Variants in ADAMTS14 observed in about 807,000 individuals in gnomAD.
The protein encoded by ADAMTS14 is A disintegrin and metalloproteinase with thrombospondin motifs 14.
In ADAMTS14, 100 loss-of-function variants were observed where a neutral mutation model predicts 128.6. The observed-to-expected ratio is 0.78, with a 90% CI of 0.66 to 0.92. The LOEUF (loss-of-function observed/expected upper bound fraction) is 0.92. ADAMTS14 is among the 40% of genes least tolerant of loss of function. The pLI, the probability that ADAMTS14 is intolerant of heterozygous loss-of-function variation, is 0.00. For missense variants in ADAMTS14, 1,562 were observed against 1,658.6 expected (o/e 0.94, Z 1.01); for synonymous variants, 665 against 653.8 (o/e 1.02, Z -0.26).
intron 9 of ADAMTS14, 116 bp from the exon 10 acceptor site, chr10:70,736,563 TC>T: frequency 1.1e-6 from 1 of 881,554 alleles, no homozygotes; most frequent in Non-Finnish European, 1.7e-6. Flanking sequence ...CTGGCTGCCT[TC>T]CCTGCAGTGC....
chr10:70,749,256 C>G (rs1589336107), intron 15 of ADAMTS14, among the ~76,000 whole-genome samples: 1 of 152,206 alleles, frequency 6.6e-6, no homozygotes, highest in Non-Finnish European at 1.5e-5. Context: ...CTGAGAGCCT[C>G]AGTCGTGGGG....
At chr10:70,692,402 G>A (rs1431641881) in intron 2 of ADAMTS14, among the ~76,000 whole-genome samples, 2 of 152,216 alleles carry the variant, frequency 1.3e-5, no homozygotes, top group African/African-American at 2.4e-5. Context: ...GAGAGGGCTG[G>A]TGCCGCACAG....
At chr10:70,706,160 C>G (rs908143517) in intron 3 of ADAMTS14, among the ~76,000 whole-genome samples, 3 of 152,172 alleles carry the variant, frequency 2.0e-5, no homozygotes, top group Non-Finnish European at 4.4e-5. Flanking sequence ...GGAGCCCCCC[C>G]ACAGCATCCA....
At chr10:70,696,162 A>T (rs748791394) in intron 2 of ADAMTS14, among the ~76,000 whole-genome samples, 3 of 152,154 alleles carry the variant, frequency 2.0e-5, no homozygotes, top group Non-Finnish European at 4.4e-5. Flanking sequence ...ATGGTCTTGT[A>T]GAAAGGAGAG....
rs746940189 is a variant in ADAMTS14, at chr10:70,709,495, G to GTTTTTTTTTT, written c.870+731_870+740dup. 2.7e-4 allele frequency among the ~76,000 whole-genome samples: 28 copies of GTTTTTTTTTT among 101,834 alleles called. 1 individual carries two copies. Among genetic ancestry groups the GTTTTTTTTTT allele is most frequent in the Non-Finnish European group, 3.4e-4 (19 of 56,498 alleles). The allele number at this position is 101,834 out of a possible 152,430, so 66.8% of individuals were successfully genotyped here. ...CCAGATATTTAAGTGAACATTTCCA[G>GTTTTTTTTTT]TTTTTTTTTTTTTTTTTTTTTTTGA... On this transcript the variant is annotated intron_variant, in intron 4 of 21. Transcript: ENST00000373207.
Position 70,761,157 on chromosome 10 carries a change from A to C in ADAMTS14, c.*304A>C. The C allele has an allele frequency of 3.2e-6, 1 of 311,662 alleles. No homozygotes were observed. Among genetic ancestry groups the C allele is most frequent in the South Asian group, 9.4e-5 (1 of 10,628 alleles). 19.3% of individuals were successfully genotyped at this position (311,662 alleles called of 1,614,324 possible). ...GTCAACTATTGCTCCCTCCTCACAG[A>C]CCCTGGGCCTGGGCAGGTCTGAATC... On this transcript the variant is annotated 3_prime_UTR_variant, in exon 22 of 22. Transcript: ENST00000373207.
intron 2 of ADAMTS14, among the ~76,000 whole-genome samples, chr10:70,678,297 T>TGCTTTGCAGAGA (rs1234361921): frequency 6.6e-6 from 1 of 152,224 alleles, no homozygotes; most frequent in Non-Finnish European, 1.5e-5. Flanking sequence ...GTCAGGTCCC[T>TGCTTTGCAGAGA]GTCCTCGAGG....
At chr10:70,750,442 A>AC (rs1164589337) in intron 16 of ADAMTS14, among the ~76,000 whole-genome samples, 1 of 151,902 alleles carries the variant, frequency 6.6e-6, no homozygotes, top group Non-Finnish European at 1.5e-5. Context: ...CTCTGCCCAT[A>AC]CCCCCCTTCC....
intron 12 of ADAMTS14, among the ~76,000 whole-genome samples, chr10:70,742,005 G>T (rs1198904611): frequency 2.6e-5 from 4 of 152,190 alleles, no homozygotes; most frequent in Admixed American, 2.6e-4. Flanking sequence ...ATCAGGACGG[G>T]CTTTCCTCCC....
chr10:70,693,609 G>T (rs1019793526), intron 2 of ADAMTS14, among the ~76,000 whole-genome samples: 2 of 152,350 alleles, frequency 1.3e-5, no homozygotes, highest in East Asian at 3.9e-4. Context: ...AAGATTACAT[G>T]ATCTGAGAGT....
At chr10:70,689,693 G>A (rs1054794865) in intron 2 of ADAMTS14, among the ~76,000 whole-genome samples, 1 of 145,762 alleles carries the variant, frequency 6.9e-6, no homozygotes, top group African/African-American at 2.4e-5. Context: ...CCTTGCCCCT[G>A]CAGTGTATTC....
At chr10:70,679,225 C>A (rs1839731644) in intron 2 of ADAMTS14, among the ~76,000 whole-genome samples, 1 of 152,160 alleles carries the variant, frequency 6.6e-6, no homozygotes, top group South Asian at 2.1e-4. Context: ...TGCCAGGCCC[C>A]TGACCAGCAG....
At position 70,732,297 on chromosome 10, in the gene ADAMTS14, T is replaced by C. The variant is rs774415321; in HGVS notation, c.1146T>C (p.Cys382=). 4 of 1,614,226 alleles carry C rather than the reference T, an allele frequency of 2.5e-6. No homozygotes were observed. Among genetic ancestry groups the C allele is most frequent in the African/African-American group, 1.3e-5 (1 of 75,062 alleles). ...GCATGTGTCACCCCCTGAGGAGCTG[T>C]GCCCTCAACCATGAGGATGGCTTCT... is the stretch of plus-strand genomic sequence containing the variant. ...VTGMCHPLRS[C]ALNHEDGFSS... Residue 382 remains cysteine (C), a synonymous_variant, in exon 7 of 22, where the codon TGT becomes TGC. Transcript: ENST00000373207.
intron 2 of ADAMTS14, among the ~76,000 whole-genome samples, chr10:70,694,738 A>G (rs77101070): frequency 0.071 from 10,754 of 152,174 alleles, 500 homozygotes; most frequent in East Asian, 0.17. Flanking sequence ...GCAAAATAAT[A>G]TTTCATTGTA....
Position 70,725,809 on chromosome 10 carries a change from G to A in ADAMTS14, c.871-3485G>A, listed in dbSNP as rs187256244. Among the ~76,000 whole-genome samples, 3 of 152,240 alleles carry A rather than the reference G, an allele frequency of 2.0e-5. No homozygotes were observed. The East Asian group carries it at 5.8e-4, about 29-fold the overall frequency. ...CTTGGGGTTCTCTTGGTGGCCCCACGTGGCTCATGCCTTCCTCTCCCCTGC... is the reference window on the plus strand; with the variant it reads ...CTTGGGGTTCTCTTGGTGGCCCCACATGGCTCATGCCTTCCTCTCCCCTGC... On this transcript the variant is annotated intron_variant, in intron 4 of 21. Transcript: ENST00000373207.
intron 16 of ADAMTS14, 94 bp from the exon 17 acceptor site, chr10:70,751,384 G>A (rs533888716): frequency 3.4e-5 from 44 of 1,276,916 alleles, no homozygotes; most frequent in East Asian, 1.9e-4. Flanking sequence ...GTTCTGCTCC[G>A]ACCCTAAGGC....
Position 70,741,029 on chromosome 10 carries a change from G to A in ADAMTS14, c.1791G>A (p.Glu597=), listed in dbSNP as rs1293621696. 1.9e-6 allele frequency: 3 copies of A among 1,614,166 alleles called. No homozygotes were observed. The highest frequency in any genetic ancestry group is 2.5e-6 in the Non-Finnish European group (3 of 1,180,038). ...GGRLCLGPMF[E]YQVCNSEECP... is the part of the protein sequence containing the mutation. Reference sequence around the variant, plus strand: ...GCCTGTGCTTAGGGCCCATGTTCGAGTACCAGGTCTGCAACAGCGAGGAGT... The same window carrying A: ...GCCTGTGCTTAGGGCCCATGTTCGAATACCAGGTCTGCAACAGCGAGGAGT... The change falls in exon 12 of 22, where the codon GAG becomes GAA. Residue 597 remains glutamate, a synonymous_variant. Coordinates refer to ENST00000373207, the MANE Select transcript of ADAMTS14 (RefSeq NM_080722.4).
intron 2 of ADAMTS14, among the ~76,000 whole-genome samples, chr10:70,696,694 G>C (rs572401811): frequency 6.6e-6 from 1 of 152,288 alleles, no homozygotes; most frequent in East Asian, 1.9e-4. Flanking sequence ...TGGAGGTCCC[G>C]ATGAAGTTTA....
chr10:70,748,362 T>C (rs1842247123), intron 15 of ADAMTS14, among the ~76,000 whole-genome samples: 1 of 152,176 alleles, frequency 6.6e-6, no homozygotes, highest in Non-Finnish European at 1.5e-5. Context: ...AGGCTGCACC[T>C]GGCCTGAGGA....
Sources: allele counts gnomAD v4.1 joint callset (sites outside exome capture counted in the v4.1 genomes callset), GRCh38; gene constraint gnomAD v4.1.1; transcripts MANE v1.5; gene names NCBI Gene and HGNC (gene_info 2026-07-23, HGNC 2026-07-21).